Variants in PTPRK observed in about 807,000 individuals in gnomAD.
PTPRK encodes the protein protein tyrosine phosphatase receptor type K.
In PTPRK, 75 loss-of-function variants were observed where a neutral mutation model predicts 178.0. That is an observed-to-expected ratio of 0.42 (90% CI 0.35 to 0.51). The LOEUF is 0.51. Among genes scored for constraint, PTPRK ranks in the 20% least tolerant of loss-of-function variants. PTPRK has a pLI of 0.02. For missense variants in PTPRK, 1,441 were observed against 1,797.8 expected (o/e 0.80, Z 3.59); for synonymous variants, 637 against 620.6 (o/e 1.03, Z -0.39).
chr6:128,348,148 T>C (rs1342139481), intron 2 of PTPRK, among the ~76,000 whole-genome samples: 3 of 151,976 alleles, frequency 2.0e-5, no homozygotes, highest in Admixed American at 1.3e-4. Flanking sequence ...TACAGAAACA[T>C]GAAATGAGGC....
At chr6:128,317,622 C>G (rs576733203) in intron 3 of PTPRK, among the ~76,000 whole-genome samples, 1 of 152,138 alleles carries the variant, frequency 6.6e-6, no homozygotes, top group Non-Finnish European at 1.5e-5. Flanking sequence ...TCTAAAAATT[C>G]TTTAAATAAT....
intron 1 of PTPRK, among the ~76,000 whole-genome samples, chr6:128,413,092 GGCATTTAGTTTACTAGAACCA>G (rs1842480254): frequency 6.6e-6 from 1 of 152,110 alleles, no homozygotes; most frequent in Admixed American, 6.6e-5. Context: ...CCTCAGGAAG[GGCATTTAGTTTACTAGAACCA>G]GCTATTTGAG....
intron 3 of PTPRK, among the ~76,000 whole-genome samples, chr6:128,258,659 G>T (rs1487311714): frequency 6.6e-6 from 1 of 152,190 alleles, no homozygotes; most frequent in African/African-American, 2.4e-5. Context: ...CAAGCATATG[G>T]AACAGTGACC....
chr6:128,140,531 A>G (rs1795626444), intron 7 of PTPRK, among the ~76,000 whole-genome samples: 1 of 152,002 alleles, frequency 6.6e-6, no homozygotes, highest in Non-Finnish European at 1.5e-5. Context: ...TGATTTGAAT[A>G]CATTGACTAC....
chr6:128,265,540 C>T (rs1818816362), intron 3 of PTPRK, among the ~76,000 whole-genome samples: 1 of 152,008 alleles, frequency 6.6e-6, no homozygotes, highest in Admixed American at 6.6e-5. Context: ...AAGTATCTCT[C>T]CCAAGGTCGC....
Position 128,199,300 on chromosome 6 carries a change from T to C in PTPRK, c.869-14575A>G, listed in dbSNP as rs189935319. Among the ~76,000 whole-genome samples, 6 of 152,322 alleles carry C rather than the reference T, an allele frequency of 3.9e-5. No homozygotes were observed. The East Asian group carries it at 9.6e-4, about 24-fold the overall frequency. On this transcript the variant is annotated intron_variant, in intron 6 of 29. Transcript: ENST00000368226. ...ACAATGATGTTCTATGATGCATAGC[T>C]ACATGCAGCAATACAGATTTCACAA...
chr6:128,301,786 T>C (rs1251940691), intron 3 of PTPRK, among the ~76,000 whole-genome samples: 2 of 152,188 alleles, frequency 1.3e-5, no homozygotes, highest in African/African-American at 4.8e-5. Context: ...TCATTGATCA[T>C]ATATTATTTG....
intron 13 of PTPRK, chr6:128,062,447 A>G (rs1186606759): frequency 6.0e-6 from 1 of 167,014 alleles, no homozygotes; most frequent in African/African-American, 2.4e-5. Flanking sequence ...AGAAGAAAAT[A>G]TATTAGACCA....
At chr6:128,157,114 T>A (rs1316573429) in intron 7 of PTPRK, among the ~76,000 whole-genome samples, 1 of 152,066 alleles carries the variant, frequency 6.6e-6, no homozygotes, top group African/African-American at 2.4e-5. Flanking sequence ...CAGTTTATAG[T>A]ATTTAATAAT....
Position 128,400,076 on chromosome 6 carries a change from G to A in PTPRK, c.101-2388C>T, listed in dbSNP as rs192346790. 4.6e-5 allele frequency among the ~76,000 whole-genome samples: 7 copies of A among 152,218 alleles called. No homozygotes were observed. The East Asian group carries it at 1.4e-3, about 29-fold the overall frequency. On this transcript the variant is annotated intron_variant, in intron 1 of 29. Transcript: ENST00000368226. ...TTAAGGGCAAATACAGTATACTGGA[G>A]TAGATGATAGGAAATGCAAAAATAA...
intron 12 of PTPRK, among the ~76,000 whole-genome samples, chr6:128,066,397 T>C (rs535615527): frequency 1.3e-5 from 2 of 152,252 alleles, no homozygotes; most frequent in African/African-American, 4.8e-5. Flanking sequence ...AAGCCAAGCA[T>C]ACAGGCAAGC....
chr6:128,300,223 C>T (rs1562240761), intron 3 of PTPRK, among the ~76,000 whole-genome samples: 1 of 152,020 alleles, frequency 6.6e-6, no homozygotes, highest in Non-Finnish European at 1.5e-5. Flanking sequence ...CAGGAAACAA[C>T]AGGTGCTGGA....
chr6:128,332,959 G>A (rs550281218), intron 2 of PTPRK, among the ~76,000 whole-genome samples: 49 of 152,264 alleles, frequency 3.2e-4, no homozygotes, highest in Non-Finnish European at 4.0e-4. Flanking sequence ...CTGAAATCAT[G>A]GCACTCTCCT....
chr6:128,303,305 A>G (rs551167944), intron 3 of PTPRK, among the ~76,000 whole-genome samples: 1 of 152,308 alleles, frequency 6.6e-6, no homozygotes, highest in South Asian at 2.1e-4. Context: ...TTGTTCCACT[A>G]AACTCTACCC....
rs540990929 is a variant in PTPRK at position 128,406,134 on chromosome 6, G to A, written c.101-8446C>T. 3.9e-5 allele frequency among the ~76,000 whole-genome samples: 6 copies of A among 151,958 alleles called. No individual in the cohort carries two copies. In the East Asian group the frequency reaches 9.7e-4, roughly 25 times the overall value. On this transcript the variant is annotated intron_variant, in intron 1 of 29. Transcript: ENST00000368226. ...AAAAATTAGCCAAGCATGGTGGAAC[G>A]TGACTATAGTCTCAGCTACCCGAGA...
chr6:128,115,709 TATATG>T (rs1329381686), intron 7 of PTPRK, among the ~76,000 whole-genome samples: 1 of 152,068 alleles, frequency 6.6e-6, no homozygotes, highest in Admixed American at 6.5e-5. Flanking sequence ...CAAAAAGTAA[TATATG>T]ATATACATTT....
chr6:128,201,019 C>T (rs1373886385), intron 6 of PTPRK, among the ~76,000 whole-genome samples: 3 of 151,736 alleles, frequency 2.0e-5, no homozygotes, highest in South Asian at 2.1e-4. Flanking sequence ...TGAGCCTACC[C>T]TGGAAGGTGT....
At chr6:128,118,032 A>G (rs1464393529) in intron 7 of PTPRK, among the ~76,000 whole-genome samples, 1 of 152,186 alleles carries the variant, frequency 6.6e-6, no homozygotes, top group Non-Finnish European at 1.5e-5. Flanking sequence ...TAAATGCACA[A>G]ACTCAACAAG....
chr6:128,139,134 C>G (rs1350780962), intron 7 of PTPRK, among the ~76,000 whole-genome samples: 1 of 151,924 alleles, frequency 6.6e-6, no homozygotes, highest in Non-Finnish European at 1.5e-5. Flanking sequence ...ATGATCTGGT[C>G]AGAAAACAGT....
Sources: allele counts gnomAD v4.1 joint callset (sites outside exome capture counted in the v4.1 genomes callset), GRCh38; gene constraint gnomAD v4.1.1; transcripts MANE v1.5; gene names NCBI Gene and HGNC (gene_info 2026-07-23, HGNC 2026-07-21).